Variants in INTS1 observed in about 807,000 individuals in gnomAD.
INTS1 encodes integrator complex subunit 1.
Under a neutral mutation model 241.6 loss-of-function variants are expected in INTS1, and 137 were observed. That is an observed-to-expected ratio of 0.57 (90% CI 0.49 to 0.65). The LOEUF (loss-of-function observed/expected upper bound fraction) is 0.65, where lower values mean the gene tolerates loss of function less well. Ranked by LOEUF, INTS1 falls within the 30% of genes least tolerant of loss-of-function variation. The pLI is 0.00. For synonymous variants in INTS1, 1,692 were observed against 1,337.8 expected, an observed-to-expected ratio of 1.26 and a Z score of -5.78; for missense variants, 3,073 against 3,032.2, an observed-to-expected ratio of 1.01 and a Z score of -0.32.
At chr7:1,483,933 C>T (rs968201214) in intron 25 of INTS1, 70 bp downstream of exon 25, 55 of 1,583,148 alleles carry the variant, frequency 3.5e-5, no homozygotes, top group Non-Finnish European at 4.7e-5. Flanking sequence ...TGGCACCGAG[C>T]GTGCCGTGCA....
chr7:1,473,528 G>A (rs369541554), intron 42 of INTS1, 38 bp downstream of exon 42: 132 of 1,558,500 alleles, frequency 8.5e-5, no homozygotes, highest in Non-Finnish European at 1.0e-4. Flanking sequence ...GACCCTCGCC[G>A]GAGGCCCGAG....
At position 1,485,275 on chromosome 7, in the gene INTS1, G is replaced by A. The variant is rs376746976; in HGVS notation, c.3156+15C>T. The A allele has an allele frequency of 2.5e-5, 40 of 1,601,388 alleles. No homozygotes were observed. The highest frequency in any genetic ancestry group is 5.3e-5 in the African/African-American group (4 of 74,832). On this transcript the variant is annotated intron_variant, in intron 23 of 47. Transcript: ENST00000404767. ...TCTCATCTTTCCCTGCCGCGGCCCC[G>A]GTCAGCGCCCTCACCTGCTGCAGGG... is the stretch of plus-strand genomic sequence containing the variant.
At position 1,487,054 on chromosome 7, in the gene INTS1, G is replaced by A. The variant is rs780872079; in HGVS notation, c.2694C>T (p.Ser898=). The A allele has an allele frequency of 1.0e-5, 16 of 1,570,124 alleles. No individual in the cohort carries two copies. Among genetic ancestry groups the A allele is most frequent in the South Asian group, 3.5e-5 (3 of 86,484 alleles). Residue 898 remains serine (S), a synonymous_variant, in exon 21 of 48, where the codon AGC becomes AGT. Coordinates refer to ENST00000404767, the MANE Select transcript of INTS1 (RefSeq NM_001080453.3). ...MPWLADLVQS[S]EGSLDVLPVQ... ...CGGGCAGCACGTCCAGGGAGCCCTC[G>A]CTGGACTGTACCAGGTCCGCCAGCC... is the stretch of plus-strand genomic sequence containing the variant.
In INTS1 at chr7:1,492,996, G is replaced by A; in HGVS notation, c.2165+14C>T. The A allele has an allele frequency of 1.2e-6, 2 of 1,604,440 alleles. No homozygotes were observed. Among genetic ancestry groups the A allele is most frequent in the African/African-American group, 1.3e-5 (1 of 74,626 alleles). On this transcript the variant is annotated intron_variant, in intron 16 of 47. Transcript: ENST00000404767. ...CTTACCCGGGCGGGAGTGGGGAGCG[G>A]GGCGTGGGCTTACCCCGGTGGGAGC...
Position 1,499,344 on chromosome 7 carries a change from G to A in INTS1, c.861C>T (p.Pro287=), listed in dbSNP as rs763056198. The change falls in exon 7 of 48, where the codon CCC becomes CCT. Residue 287 remains proline (P), a synonymous_variant. Coordinates refer to ENST00000404767, the MANE Select transcript of INTS1 (RefSeq NM_001080453.3). The part of the protein sequence containing the change: ...GDLGAGSSPH[P]SLTEEEDSQT... ...GGCTGTCCTCCTCCTCCGTGAGGGA[G>A]GGGTGTGGGCTGCTCCCTGCAAACC... The A allele has an allele frequency of 6.3e-7, 1 of 1,594,068 alleles. No individual in the cohort carries two copies. Among genetic ancestry groups the A allele is most frequent in the Admixed American group, 1.7e-5 (1 of 58,614 alleles).
chr7:1,477,628 G>A lies in INTS1; in HGVS notation c.4860C>T (p.Asp1620=). Residue 1620 remains aspartate (D), a synonymous_variant, in exon 35 of 48, where the codon GAC becomes GAT. Transcript: ENST00000404767. ...CCTCGGGGTCCAGCATTTCCAGCCA[G>A]TCCACTAGGAGGCCTGACGAGGGCC... is the stretch of plus-strand genomic sequence containing the variant. ...RLGPSSGLLV[D]WLEMLDPEVV... 1.3e-6 allele frequency: 2 copies of A among 1,587,474 alleles called. No homozygotes were observed. Among genetic ancestry groups the A allele is most frequent in the Non-Finnish European group, 1.7e-6 (2 of 1,168,118 alleles).
intron 3 of INTS1, 98 bp from the exon 4 acceptor site, chr7:1,500,464 G>A: frequency 7.5e-7 from 1 of 1,339,120 alleles, no homozygotes; most frequent in South Asian, 1.5e-5. Flanking sequence ...AGAGCTCTCA[G>A]GGTCGGCCCT....
At chr7:1,480,178 A>G in intron 30 of INTS1, 139 bp downstream of exon 30, 12 of 1,015,732 alleles carry the variant, frequency 1.2e-5, no homozygotes, top group Non-Finnish European at 1.7e-5. Context: ...TCACGCGTGT[A>G]AAGGCCGCTG....
At position 1,499,164 on chromosome 7, in the gene INTS1, A is replaced by C. The variant is rs1302012469; in HGVS notation, c.951-3T>G. On this transcript the variant is annotated splice_polypyrimidine_tract_variant and splice_region_variant and intron_variant, in intron 7 of 47. Coordinates refer to ENST00000404767, the MANE Select transcript of INTS1 (RefSeq NM_001080453.3). ...CGCTCTCCGCGAGCTCTTCGTACCT[A>C]GGCCAGAGGAGGGAGCGAGGAGGGA... 1 of 1,606,998 alleles carries C rather than the reference A, an allele frequency of 6.2e-7. No individual in the cohort carries two copies. The highest frequency in any genetic ancestry group is 1.1e-5 in the South Asian group (1 of 90,946).
chr7:1,475,310 AG>A (rs1196689635), intron 39 of INTS1, among the ~76,000 whole-genome samples: 1 of 152,112 alleles, frequency 6.6e-6, no homozygotes, highest in Non-Finnish European at 1.5e-5. Flanking sequence ...ACTTGAGCAC[AG>A]GGGGTTGAGG....
At chr7:1,480,553 G>A in intron 29 of INTS1, 112 bp from the exon 30 acceptor site, 1 of 1,254,524 alleles carries the variant, frequency 8.0e-7, no homozygotes, top group South Asian at 1.5e-5. Flanking sequence ...CCAGGAGGAA[G>A]AGCTCAGACC....
intron 44 of INTS1, 75 bp from the exon 45 acceptor site, chr7:1,471,716 G>A: frequency 7.1e-7 from 1 of 1,415,820 alleles, no homozygotes; most frequent in Non-Finnish European, 1.0e-6. Context: ...CAGCCACCCA[G>A]AGGGGGCAAG....
chr7:1,478,105 C>A (rs562518459), intron 33 of INTS1, among the ~76,000 whole-genome samples, 169 bp from the exon 34 acceptor site: 1 of 148,116 alleles, frequency 6.8e-6, no homozygotes, highest in East Asian at 1.9e-4. Flanking sequence ...GAGGAGAGTG[C>A]GGCCGGGGCT....
rs184036020 is a variant in INTS1, at chr7:1,489,763, G to C, written c.2166-81C>G. 1.9e-4 allele frequency: 199 copies of C among 1,035,506 alleles called. 1 individual carries two copies. The African/African-American group carries it at 2.8e-3, about 14-fold the overall frequency. 64.1% of individuals were successfully genotyped at this position (1,035,506 alleles called of 1,614,324 possible). A position where few individuals can be genotyped will look rare whatever the true frequency, so the allele number is the denominator to read the frequency against. On this transcript the variant is annotated intron_variant, in intron 16 of 47. Transcript: ENST00000404767. ...ATCGGCCGGGCCAGGTGGCAAAGCT[G>C]GGGCAGGGACGGTGCTGGCTCCCAG... is the stretch of plus-strand genomic sequence containing the variant.
At chr7:1,471,840 C>T (rs1781480777) in intron 44 of INTS1, 199 bp from the exon 45 acceptor site, 2 of 604,002 alleles carry the variant, frequency 3.3e-6, no homozygotes, top group Non-Finnish European at 5.9e-6. Flanking sequence ...CTAGTGGCCT[C>T]CAAGGAGAGG....
chr7:1,474,487 T>A, intron 40 of INTS1, 127 bp from the exon 41 acceptor site: 1 of 1,166,660 alleles, frequency 8.6e-7, no homozygotes, highest in Non-Finnish European at 1.2e-6. Flanking sequence ...CCTCCTGCCC[T>A]AAGGAGGTGG....
intron 27 of INTS1, 120 bp downstream of exon 27, chr7:1,482,426 G>A (rs1285468469): frequency 1.0e-6 from 1 of 977,538 alleles, no homozygotes; most frequent in East Asian, 2.6e-5. Context: ...ATCCCCTGAG[G>A]CTACCCGGCC....
Position 1,471,126 on chromosome 7 carries a change from G to A in INTS1, c.6347+7C>T. The A allele has an allele frequency of 6.4e-7, 1 of 1,560,484 alleles. No individual in the cohort carries two copies. Among genetic ancestry groups the A allele is most frequent in the Non-Finnish European group, 8.7e-7 (1 of 1,153,192 alleles). On this transcript the variant is annotated splice_region_variant and intron_variant, in intron 46 of 47. Coordinates refer to ENST00000404767, the MANE Select transcript of INTS1 (RefSeq NM_001080453.3). ...GGCGGCGGGACAGAGGCCGGCGGTG[G>A]CCTCACCTGGGGCTGTTCTGCATGG... is the stretch of plus-strand genomic sequence containing the variant.
chr7:1,473,226 C>T, intron 42 of INTS1, 42 bp from the exon 43 acceptor site: 2 of 1,449,100 alleles, frequency 1.4e-6, no homozygotes, highest in Non-Finnish European at 1.9e-6. Flanking sequence ...AAGACGCTGG[C>T]AGGAGGAAGG....
Sources: allele counts gnomAD v4.1 joint callset (sites outside exome capture counted in the v4.1 genomes callset), GRCh38; gene constraint gnomAD v4.1.1; transcripts MANE v1.5; gene names NCBI Gene and HGNC (gene_info 2026-07-23, HGNC 2026-07-21).